Variants in CA1 observed in about 807,000 individuals in gnomAD.
The protein encoded by CA1 is carbonate dehydratase I.
A neutral mutation model predicts 28.8 loss-of-function variants in CA1; 27 were observed. The ratio of observed to expected loss-of-function variants is 0.94; its 90% CI spans 0.69 to 1.29. The LOEUF is 1.29. CA1 is among the 50% of genes most tolerant of loss of function. The pLI, the probability that CA1 is intolerant of heterozygous loss-of-function variation, is 0.00. For missense variants in CA1, 335 were observed against 310.5 expected (o/e 1.08, Z -0.59); for synonymous variants, 121 against 108.8 (o/e 1.11, Z -0.70).
intron 1 of CA1, among the ~76,000 whole-genome samples, chr8:85,370,461 T>A (rs1202301908): frequency 6.6e-6 from 1 of 152,148 alleles, no homozygotes; most frequent in Non-Finnish European, 1.5e-5. Flanking sequence ...TCTTCTGGCT[T>A]TGTTCTATTT....
intron 1 of CA1, among the ~76,000 whole-genome samples, chr8:85,346,140 C>G (rs1261269317): frequency 6.6e-6 from 1 of 152,074 alleles, no homozygotes; most frequent in Non-Finnish European, 1.5e-5. Flanking sequence ...CTTACAATTT[C>G]AGGCTTTTGA....
rs576633232 is a variant in CA1 at position 85,362,490 on chromosome 8, A to G, written c.-25+15556T>C. 3.3e-5 allele frequency among the ~76,000 whole-genome samples: 5 copies of G among 152,264 alleles called. No individual in the cohort carries two copies. In the South Asian group the frequency reaches 1.0e-3, roughly 32 times the overall value. On this transcript the variant is annotated intron_variant, in intron 1 of 7. Coordinates refer to ENST00000523022, the MANE Select transcript of CA1 (RefSeq NM_001128831.4). ...GGTGGTGGCTGGGGTATTGAGGAGG[A>G]AACAGGCCAAACTGGAAATAAAAGA...
intron 1 of CA1, among the ~76,000 whole-genome samples, chr8:85,353,913 T>A (rs1809504431): frequency 6.6e-6 from 1 of 152,168 alleles, no homozygotes; most frequent in Admixed American, 6.5e-5. Flanking sequence ...TTCTCACTGC[T>A]TAGATTCTAA....
At chr8:85,343,469 G>C (rs1809008786) in intron 1 of CA1, among the ~76,000 whole-genome samples, 1 of 152,124 alleles carries the variant, frequency 6.6e-6, no homozygotes, top group South Asian at 2.1e-4. Flanking sequence ...ATGTAGCTTG[G>C]TTTGGCTCAA....
chr8:85,350,003 T>C (rs185839542), intron 1 of CA1: 1 of 152,352 alleles, frequency 6.6e-6, no homozygotes, highest in East Asian at 1.9e-4. Context: ...ATGGAAATCC[T>C]TCCTGATCCT....
intron 4 of CA1, among the ~76,000 whole-genome samples, chr8:85,335,787 A>G (rs914816621): frequency 2.2e-4 from 33 of 152,160 alleles, no homozygotes; most frequent in Admixed American, 1.6e-3. Flanking sequence ...TCTACCTTCA[A>G]TTTTATGGAG....
At chr8:85,340,993 A>G (rs1808896084) in intron 2 of CA1, 1 of 152,362 alleles carries the variant, frequency 6.6e-6, no homozygotes, top group Non-Finnish European at 1.5e-5. Context: ...AAATACAAAA[A>G]AATTAGCTAG....
intron 1 of CA1, among the ~76,000 whole-genome samples, chr8:85,365,908 C>T (rs1171149607): frequency 6.6e-6 from 1 of 152,090 alleles, no homozygotes; most frequent in African/African-American, 2.4e-5. Context: ...GGCAGTGGCT[C>T]CTCTAGGTAC....
At chr8:85,350,148 T>C (rs965055673) in intron 1 of CA1, among the ~76,000 whole-genome samples, 1 of 152,180 alleles carries the variant, frequency 6.6e-6, no homozygotes, top group Admixed American at 6.5e-5. Context: ...TACCTAAACA[T>C]ATACAATAAG....
intron 5 of CA1, 90 bp from the exon 6 acceptor site, chr8:85,332,642 A>G (rs1239405562): frequency 2.2e-6 from 2 of 912,176 alleles, no homozygotes; most frequent in African/African-American, 3.3e-5. Context: ...TCAATTAACA[A>G]CTGACAAGAG....
Position 85,332,514 on chromosome 8 carries a change from A to G in CA1, c.489T>C (p.Asp163=). ...EANPKLQKVL[D]ALQAIKTKGK... is the part of the protein sequence containing the mutation. ...CCTTGGTTTTAATTGCTTGGAGGGC[A>G]TCAAGTACTTTCTGCAGCTTTGGGT... The change falls in exon 6 of 8, where the codon GAT becomes GAC. Residue 163 remains aspartate (D), a synonymous_variant. Coordinates refer to ENST00000523022, the MANE Select transcript of CA1 (RefSeq NM_001128831.4). The G allele has an allele frequency of 6.2e-7, 1 of 1,613,160 alleles. No individual in the cohort carries two copies. Among genetic ancestry groups the G allele is most frequent in the Non-Finnish European group, 8.5e-7 (1 of 1,179,330 alleles).
chr8:85,334,519 C>T (rs973451155), intron 4 of CA1, among the ~76,000 whole-genome samples: 1 of 151,990 alleles, frequency 6.6e-6, no homozygotes, highest in East Asian at 1.9e-4. Flanking sequence ...ATAAAGTAAC[C>T]ACCACAAATC....
At chr8:85,341,865 A>T (rs1357854186) in intron 1 of CA1, 4 of 459,112 alleles carry the variant, frequency 8.7e-6, no homozygotes, top group South Asian at 6.4e-5. Context: ...TCAATTGCTT[A>T]ATTTTCTTAT....
At chr8:85,343,398 C>T (rs1386493052) in intron 1 of CA1, among the ~76,000 whole-genome samples, 1 of 152,152 alleles carries the variant, frequency 6.6e-6, no homozygotes, top group East Asian at 1.9e-4. Context: ...TAGCCTTCCA[C>T]TGTCAACAAT....
chr8:85,339,736 T>G (rs188471152), intron 2 of CA1, among the ~76,000 whole-genome samples: 1 of 152,328 alleles, frequency 6.6e-6, no homozygotes, highest in Non-Finnish European at 1.5e-5. Context: ...GCTACACCAG[T>G]GCACACACAA....
At chr8:85,337,540 C>G (rs762787286) in intron 3 of CA1, among the ~76,000 whole-genome samples, 6 of 152,102 alleles carry the variant, frequency 3.9e-5, no homozygotes, top group Non-Finnish European at 8.8e-5. Context: ...TTGAGAATCC[C>G]TGGCCAGGGA....
chr8:85,338,528 G>T, intron 2 of CA1, 79 bp from the exon 3 acceptor site: 3 of 1,060,132 alleles, frequency 2.8e-6, no homozygotes, highest in East Asian at 4.7e-5. Flanking sequence ...TTACCTGTTT[G>T]CTTATTAGAT....
intron 1 of CA1, among the ~76,000 whole-genome samples, chr8:85,365,788 A>G (rs1267812867): frequency 6.6e-6 from 1 of 152,156 alleles, no homozygotes; most frequent in African/African-American, 2.4e-5. Context: ...TTCATTGCAT[A>G]TCCATCACCC....
At chr8:85,376,161 T>C (rs1810407881) in intron 1 of CA1, among the ~76,000 whole-genome samples, 1 of 151,974 alleles carries the variant, frequency 6.6e-6, no homozygotes, top group South Asian at 2.1e-4. Context: ...CGAAACCCCA[T>C]CTCTACTAAA....
Sources: gnomAD v4.1 joint callset for allele counts (sites outside exome capture counted in the v4.1 genomes callset) on GRCh38, gnomAD v4.1.1 for gene constraint, MANE v1.5 for transcripts, NCBI Gene and HGNC (gene_info 2026-07-23, HGNC 2026-07-21) for gene names.